LIG1: variants seen among roughly 807,000 people sequenced by gnomAD.
LIG1 encodes the protein ligase I, DNA, ATP-dependent.
In LIG1, 70 loss-of-function variants were observed where a neutral mutation model predicts 115.7. That is an observed-to-expected ratio of 0.60 (90% CI 0.50 to 0.74). LIG1 has a LOEUF of 0.74. LIG1 is among the 30% of genes least tolerant of loss of function. The pLI is 0.00. For missense variants in LIG1, 1,115 were observed against 1,225.6 expected, an observed-to-expected ratio of 0.91 and a Z score of 1.35; for synonymous variants, 487 against 495.3, an observed-to-expected ratio of 0.98 and a Z score of 0.22.
intron 21 of LIG1, among the ~76,000 whole-genome samples, chr19:48,124,790 G>A (rs55943812): frequency 0.029 from 4,382 of 152,270 alleles, 137 homozygotes; most frequent in African/African-American, 0.068. Context: ...GGAGGTGGGT[G>A]GATCACCTGA....
chr19:48,138,099 C>T (rs1717190794), intron 12 of LIG1, among the ~76,000 whole-genome samples: 1 of 152,102 alleles, frequency 6.6e-6, no homozygotes, highest in Non-Finnish European at 1.5e-5. Flanking sequence ...TGACCAAAGA[C>T]CCTTCGGCTT....
At position 48,137,686 on chromosome 19, in the gene LIG1, G is replaced by A. The variant is rs1038915656; in HGVS notation, c.1090C>T (p.Arg364Trp). 5.6e-6 allele frequency: 9 copies of A among 1,602,370 alleles called. No individual in the cohort carries two copies. In the East Asian group the frequency reaches 6.7e-5, roughly 12 times the overall value. The change falls in exon 13 of 28, where the codon CGG becomes TGG. Residue 364 changes from arginine to tryptophan, a missense_variant and splice_region_variant. Coordinates refer to ENST00000263274, the MANE Select transcript of LIG1 (RefSeq NM_000234.3). This position sits in a 1 kb window ranked among gnomAD's most constrained non-coding sequence, Gnocchi z 4.3. ...TCAGCCCGGACGGACTCCAGCTGCC[G>A]ACCTTCAGGGGAGAGCGCGGGTGGG... ...LLKAVAQATGRQLESVRAEAA... is the reference protein window; with the variant it reads ...LLKAVAQATGWQLESVRAEAA...
Position 48,133,006 on chromosome 19 carries a change from G to T in LIG1, c.1701C>A (p.Tyr567Ter). The T allele has an allele frequency of 6.2e-7, 1 of 1,613,524 alleles. No individual in the cohort carries two copies. Among genetic ancestry groups the T allele is most frequent in the Non-Finnish European group, 8.5e-7 (1 of 1,179,510 alleles). Residue 567 changes from tyrosine to a stop codon, truncating the protein, a stop_gained, in exon 18 of 28, where the codon TAC becomes TAA. Transcript: ENST00000263274. LOFTEE classifies it high-confidence loss of function. The stretch of plus-strand genomic sequence containing the variant: ...CCTGTGCCCTCTGCCCGTCATATTT[G>T]TATTCGCAGGTGAAAGCTGCCTCCT... ...RFEEAAFTCE[Y>*]KYDGQRAQIH...
At chr19:48,156,433 C>T (rs2035842287) in intron 5 of LIG1, among the ~76,000 whole-genome samples, 1 of 152,176 alleles carries the variant, frequency 6.6e-6, no homozygotes, top group Admixed American at 6.5e-5. Context: ...TTCTGAGCAG[C>T]GTACACGTGT....
intron 4 of LIG1, among the ~76,000 whole-genome samples, chr19:48,157,884 C>G (rs553943228): frequency 6.6e-6 from 1 of 152,250 alleles, no homozygotes; most frequent in African/African-American, 2.4e-5. Context: ...CCCTCCAGAT[C>G]GCATGTTGCA....
chr19:48,156,728 G>C (rs2035862417), intron 5 of LIG1, among the ~76,000 whole-genome samples: 1 of 151,948 alleles, frequency 6.6e-6, no homozygotes, highest in Admixed American at 6.6e-5. Flanking sequence ...GGATCACGAG[G>C]TCAGGAGTTT....
At position 48,147,639 on chromosome 19, in the gene LIG1, T is replaced by C. The variant is rs1457384645; in HGVS notation, c.776+2124A>G. On this transcript the variant is annotated intron_variant, in intron 9 of 27. Coordinates refer to ENST00000263274, the MANE Select transcript of LIG1 (RefSeq NM_000234.3). Reference sequence around the variant, plus strand: ...CAGCCTGGGTAACAGAGCAAGACCCTGTCTTTAAAAAAAAAAACAAGAAAC... The same window carrying C: ...CAGCCTGGGTAACAGAGCAAGACCCCGTCTTTAAAAAAAAAAACAAGAAAC... Among the ~76,000 whole-genome samples, 3 of 97,784 alleles carry C rather than the reference T, an allele frequency of 3.1e-5. No individual in the cohort carries two copies. The East Asian group carries it at 1.5e-3, about 50-fold the overall frequency. The allele number at this position is 97,784 out of a possible 152,430, so 64.2% of individuals were successfully genotyped here.
intron 18 of LIG1, among the ~76,000 whole-genome samples, chr19:48,131,719 G>C (rs1049149848): frequency 1.3e-5 from 2 of 152,118 alleles, no homozygotes; most frequent in African/African-American, 4.8e-5. Flanking sequence ...GATTACAGGC[G>C]TGAGCCACTG....
rs367887927 is a variant in LIG1, at chr19:48,143,922, T to C, written c.818A>G (p.Tyr273Cys). The change falls in exon 10 of 28, where the codon TAT becomes TGT. Residue 273 changes from tyrosine to cysteine, a missense_variant. Tyr to Cys is a radical substitution (Grantham distance 194, BLOSUM62 -2). Coordinates refer to ENST00000263274, the MANE Select transcript of LIG1 (RefSeq NM_000234.3). ...PSGYNPAKNN[Y>C]HPVEDACWKP... is the part of the protein sequence containing the mutation. ...CCAGCAGGCATCTTCCACGGGATGA[T>C]AGTTGTTCTTGGCAGGATTGTAACC... 8 of 1,613,952 alleles carry C rather than the reference T, an allele frequency of 5.0e-6. No homozygotes were observed. In the African/African-American group the frequency reaches 5.3e-5, roughly 11 times the overall value.
chr19:48,137,726 C>A lies in LIG1; in HGVS notation c.1088-38G>T. The A allele has an allele frequency of 3.8e-6, 6 of 1,598,570 alleles. No individual in the cohort carries two copies. The highest frequency in any genetic ancestry group is 5.1e-6 in the Non-Finnish European group (6 of 1,179,194). ...GCGCGGGTGGGGGTGTCGAGGGTGA[C>A]AGTTGTGGCTGCGTGTCTCCCTTCT... On this transcript the variant is annotated intron_variant, in intron 12 of 27. Transcript: ENST00000263274. This position sits in a 1 kb window ranked among gnomAD's most constrained non-coding sequence, Gnocchi z 4.3.
chr19:48,170,331 G>A lies in LIG1; in HGVS notation c.-148C>T. On this transcript the variant is annotated 5_prime_UTR_variant, in exon 1 of 28. Coordinates refer to ENST00000263274, the MANE Select transcript of LIG1 (RefSeq NM_000234.3). Reference sequence around the variant, plus strand: ...GTCCCAAGTTCGCGCCACGGCATTCGCGCGCAGACGTCTGCGGGCGGGGGC... The same window carrying A: ...GTCCCAAGTTCGCGCCACGGCATTCACGCGCAGACGTCTGCGGGCGGGGGC... The A allele has an allele frequency of 2.3e-6, 1 of 442,296 alleles. No homozygotes were observed. The highest frequency in any genetic ancestry group is 1.6e-5 in the South Asian group (1 of 63,386). 27.4% of individuals were successfully genotyped at this position (442,296 alleles called of 1,614,324 possible). A position where few individuals can be genotyped will look rare whatever the true frequency, so the allele number is the denominator to read the frequency against.
intron 16 of LIG1, 97 bp from the exon 17 acceptor site, chr19:48,134,163 G>C: frequency 9.0e-7 from 1 of 1,109,564 alleles, no homozygotes; most frequent in Non-Finnish European, 1.3e-6. Flanking sequence ...CTGGGCTCCT[G>C]GATGCCTCTG....
intron 26 of LIG1, among the ~76,000 whole-genome samples, chr19:48,116,835 AT>A (rs2032873408): frequency 6.6e-6 from 1 of 152,184 alleles, no homozygotes; most frequent in South Asian, 2.1e-4. Flanking sequence ...ATTTTTAAAA[AT>A]TAGATCAAAA....
At chr19:48,121,501 T>C (rs1160292950) in intron 23 of LIG1, among the ~76,000 whole-genome samples, 179 bp from the exon 24 acceptor site, 1 of 152,026 alleles carries the variant, frequency 6.6e-6, no homozygotes, top group Non-Finnish European at 1.5e-5. Context: ...GGTTTCTAGG[T>C]TTAAATAAGA....
chr19:48,137,612 G>A lies in LIG1; in HGVS notation c.1164C>T (p.Ser388=), dbSNP rs1331279403. 1 of 1,612,532 alleles carries A rather than the reference G, an allele frequency of 6.2e-7. No homozygotes were observed. Residue 388 remains serine, a synonymous_variant, in exon 13 of 28, where the codon AGC becomes AGT. Coordinates refer to ENST00000263274, the MANE Select transcript of LIG1 (RefSeq NM_000234.3). This position sits in a 1 kb window ranked among gnomAD's most constrained non-coding sequence, Gnocchi z 4.3. ...DVGLVAENSR[S]TQRLMLPPPP... ...GTGGTGGCAGCATGAGCCTCTGGGTGCTGCGGCTGTTCTCGGCCACCAGCC... is the reference window on the plus strand; with the variant it reads ...GTGGTGGCAGCATGAGCCTCTGGGTACTGCGGCTGTTCTCGGCCACCAGCC...
At position 48,116,135 on chromosome 19, in the gene LIG1, G is replaced by A. The variant is rs912544022; in HGVS notation, c.2584-170C>T. On this transcript the variant is annotated intron_variant, in intron 26 of 27. Coordinates refer to ENST00000263274, the MANE Select transcript of LIG1 (RefSeq NM_000234.3). The stretch of plus-strand genomic sequence containing the variant: ...GTGCTTGGAACAGTACCCGGGCACA[G>A]TAAGTGCTCAAGAAATGCTGCCTGT... 38 of 642,936 alleles carry A rather than the reference G, an allele frequency of 5.9e-5. 1 individual carries two copies. The highest frequency in any genetic ancestry group is 4.1e-4 in the Middle Eastern group (1 of 2,454). 39.8% of individuals were successfully genotyped at this position (642,936 alleles called of 1,614,324 possible). A position where few individuals can be genotyped will look rare whatever the true frequency, so the allele number is the denominator to read the frequency against.
rs1400140798 is a variant in LIG1, at chr19:48,137,021, G to A, written c.1318C>T (p.Arg440Trp). 3.7e-6 allele frequency: 6 copies of A among 1,612,678 alleles called. No homozygotes were observed. The highest frequency in any genetic ancestry group is 5.1e-6 in the Non-Finnish European group (6 of 1,179,454). The change falls in exon 14 of 28, where the codon CGG becomes TGG. Residue 440 changes from arginine to tryptophan, a missense_variant. Transcript: ENST00000263274. This position sits in a 1 kb window ranked among gnomAD's most constrained non-coding sequence, Gnocchi z 4.3. ...CCACACGCTTACCTAGCGATGAACC[G>A]GGCTTCTGAGTGGCGGCAGGCCACA... The part of the protein sequence containing the change: ...LFVACRHSEA[R>W]FIARSLSGRL...
At chr19:48,151,555 G>A (rs991034276) in intron 6 of LIG1, among the ~76,000 whole-genome samples, 4 of 152,012 alleles carry the variant, frequency 2.6e-5, no homozygotes, top group African/African-American at 7.3e-5. Flanking sequence ...TCAGCCTCCC[G>A]AGTAGCTGGG....
chr19:48,167,076 T>C (rs1364923317), intron 1 of LIG1, among the ~76,000 whole-genome samples: 1 of 151,200 alleles, frequency 6.6e-6, no homozygotes, highest in Non-Finnish European at 1.5e-5. Context: ...TCTATGAAAT[T>C]TGACAGGAAA....
Sources: allele counts gnomAD v4.1 joint callset (sites outside exome capture counted in the v4.1 genomes callset), GRCh38; gene constraint gnomAD v4.1.1; non-coding constraint Gnocchi (gnomAD v3.1); transcripts MANE v1.5; gene names NCBI Gene and HGNC (gene_info 2026-07-23, HGNC 2026-07-21).